Variants in PIERCE2 observed in about 807,000 individuals in gnomAD.
PIERCE2 encodes the protein piercer of microtubule wall 2.
the PIERCE2 span, among the ~76,000 whole-genome samples, chr15:55,416,848 C>G: frequency 6.6e-6 from 1 of 152,078 alleles, no homozygotes; most frequent in African/African-American, 2.4e-5. Flanking sequence ...ATAATCCCAG[C>G]TAGTTGGGAG....
chr15:55,408,774 A>G, the PIERCE2 span: 1 of 1,525,706 alleles, frequency 6.6e-7, no homozygotes, highest in Non-Finnish European at 8.8e-7. Flanking sequence ...CGAAAATGAC[A>G]GACCGCAACC....
At chr15:55,411,350 G>T in the PIERCE2 span, among the ~76,000 whole-genome samples, 1 of 151,764 alleles carries the variant, frequency 6.6e-6, no homozygotes, top group Admixed American at 6.6e-5. Flanking sequence ...TGTAGTCCCA[G>T]CTACTCTGGA....
the PIERCE2 span, chr15:55,417,846 T>G: frequency 3.6e-6 from 1 of 279,690 alleles, no homozygotes. Flanking sequence ...GGTGGGGCCG[T>G]TTTATAGGAT....
At chr15:55,416,103 T>G in the PIERCE2 span, among the ~76,000 whole-genome samples, 5 of 149,420 alleles carry the variant, frequency 3.3e-5, no homozygotes, top group East Asian at 1.9e-4. Flanking sequence ...TTGTTATATA[T>G]ATAGAGAGAG....
chr15:55,415,713 G>T, the PIERCE2 span, among the ~76,000 whole-genome samples: 1 of 152,122 alleles, frequency 6.6e-6, no homozygotes, highest in South Asian at 2.1e-4. Flanking sequence ...TCCATAAAAT[G>T]TCTGTATTCT....
chr15:55,410,951 A>C, the PIERCE2 span: 4 of 152,250 alleles, frequency 2.6e-5, no homozygotes, highest in African/African-American at 9.6e-5. Flanking sequence ...AAGCAAATTA[A>C]TAAGCAGTTT....
the PIERCE2 span, among the ~76,000 whole-genome samples, chr15:55,409,196 A>C: frequency 5.1e-4 from 78 of 152,306 alleles, 1 homozygote; most frequent in Non-Finnish European, 8.1e-4. Flanking sequence ...ACCTGAGGTC[A>C]GGAGTTCGAG....
At chr15:55,409,649 C>CA in the PIERCE2 span, among the ~76,000 whole-genome samples, 3 of 152,080 alleles carry the variant, frequency 2.0e-5, no homozygotes, top group Admixed American at 6.5e-5. Context: ...ACAGTGACAT[C>CA]AAAAAATCTT....
chr15:55,417,799 G>C, the PIERCE2 span: 2 of 223,548 alleles, frequency 8.9e-6, no homozygotes, highest in African/African-American at 4.6e-5. Context: ...GTGGAGGCGG[G>C]CTGAGTCCGA....
At chr15:55,412,474 A>G in the PIERCE2 span, among the ~76,000 whole-genome samples, 2 of 152,240 alleles carry the variant, frequency 1.3e-5, no homozygotes, top group Non-Finnish European at 2.9e-5. Flanking sequence ...TTTACAAACA[A>G]ATTTTAGGCA....
chr15:55,409,988 G>A, the PIERCE2 span, among the ~76,000 whole-genome samples: 2 of 151,924 alleles, frequency 1.3e-5, no homozygotes, highest in African/African-American at 2.4e-5. Context: ...TCTTTGTATT[G>A]GCTATTTGTT....
the PIERCE2 span, chr15:55,418,365 C>T: frequency 6.5e-7 from 1 of 1,538,092 alleles, no homozygotes; most frequent in Non-Finnish European, 8.7e-7. Flanking sequence ...CTATCAAAAC[C>T]TCAAATGATT....
At chr15:55,411,403 A>T in the PIERCE2 span, among the ~76,000 whole-genome samples, 1 of 152,142 alleles carries the variant, frequency 6.6e-6, no homozygotes, top group South Asian at 2.1e-4. Flanking sequence ...CGCAGAGGTT[A>T]CAATGAGCTG....
the PIERCE2 span, among the ~76,000 whole-genome samples, chr15:55,409,208 C>A: frequency 4.6e-5 from 7 of 152,190 alleles, no homozygotes; most frequent in East Asian, 1.4e-3. Context: ...GAGTTCGAGA[C>A]CAGCCTGACC....
chr15:55,416,727 G>A, the PIERCE2 span, among the ~76,000 whole-genome samples: 1 of 152,038 alleles, frequency 6.6e-6, no homozygotes, highest in African/African-American at 2.4e-5. Context: ...GTGAGGCCAA[G>A]GTAGGTGGAT....
At chr15:55,415,282 A>G in the PIERCE2 span, among the ~76,000 whole-genome samples, 13 of 152,072 alleles carry the variant, frequency 8.5e-5, no homozygotes, top group Non-Finnish European at 1.9e-4. Context: ...AGCCTGGCCA[A>G]CATGGTGAAA....
chr15:55,408,751 T>C, the PIERCE2 span: 282 of 1,528,184 alleles, frequency 1.8e-4, 5 homozygotes, highest in South Asian at 3.2e-3. Context: ...CCGAAAAAAT[T>C]AACAAAGAAG....
chr15:55,409,774 T>C, the PIERCE2 span, among the ~76,000 whole-genome samples: 2 of 152,330 alleles, frequency 1.3e-5, no homozygotes, highest in South Asian at 4.1e-4. Flanking sequence ...CAAAGTGGTC[T>C]GGCTTTCTCT....
At chr15:55,417,626 T>G in the PIERCE2 span, 1 of 152,260 alleles carries the variant, frequency 6.6e-6, no homozygotes, top group South Asian at 2.1e-4. Context: ...TTAAATAAAT[T>G]CTCATAGTTC....
Sources: gnomAD v4.1 joint callset for allele counts (sites outside exome capture counted in the v4.1 genomes callset) on GRCh38, gnomAD v4.1.1 for gene constraint, MANE v1.5 for transcripts, NCBI Gene and HGNC (gene_info 2026-07-23, HGNC 2026-07-21) for gene names.